HNRNPDL: variants seen among roughly 807,000 people sequenced by gnomAD.
HNRNPDL encodes heterogeneous nuclear ribonucleoprotein D like, also known as heterogeneous nuclear ribonucleoprotein D-like.
In HNRNPDL, 18 loss-of-function variants were observed where a neutral mutation model predicts 48.0. The ratio of observed to expected loss-of-function variants is 0.38; its 90% CI spans 0.26 to 0.56. The LOEUF (loss-of-function observed/expected upper bound fraction) is 0.56. HNRNPDL is among the 20% of genes least tolerant of loss of function. HNRNPDL has a pLI of 0.77. For synonymous variants in HNRNPDL, 306 were observed against 207.3 expected, an observed-to-expected ratio of 1.48 and a Z score of -4.09; for missense variants, 553 against 540.7, an observed-to-expected ratio of 1.02 and a Z score of -0.23.
rs1449509432 is a variant in HNRNPDL at position 82,424,641 on chromosome 4, CATTT to C, written c.*261_*264del. On this transcript the variant is annotated 3_prime_UTR_variant, in exon 8 of 8. Coordinates refer to ENST00000295470, the MANE Select transcript of HNRNPDL (RefSeq NM_031372.4). ...GCAGAAAAGCAATCACATAAGGAAG[CATTT>C]ATTTGAGGTTTAACATGAAATGATA... is the stretch of plus-strand genomic sequence containing the variant. The C allele has an allele frequency of 2.0e-5, 3 of 152,624 alleles. No individual in the cohort carries two copies. The highest frequency in any genetic ancestry group is 4.4e-5 in the Non-Finnish European group (3 of 68,040). 9.5% of individuals were successfully genotyped at this position (152,624 alleles called of 1,614,324 possible).
chr4:82,428,088 A>G lies in HNRNPDL; in HGVS notation c.704T>C (p.Val235Ala). The G allele has an allele frequency of 6.2e-7, 1 of 1,613,942 alleles. No individual in the cohort carries two copies. The highest frequency in any genetic ancestry group is 8.5e-7 in the Non-Finnish European group (1 of 1,179,938). ...ATCCGGGCTCAATCCACCCACAAAA[A>G]CCTTTTTGGGAGGTTCTTTCCCTTT... The part of the protein sequence containing the change: ...ALKGKEPPKK[V>A]FVGGLSPDTS... Residue 235 changes from valine to alanine, a missense_variant, in exon 3 of 8, where the codon GTT becomes GCT. Val to Ala is a moderately conservative substitution (Grantham distance 64). This residue lies in a region of HNRNPDL where 174 missense variants were observed against 204.6 expected (regional missense o/e 0.85). Coordinates refer to ENST00000295470, the MANE Select transcript of HNRNPDL (RefSeq NM_031372.4).
chr4:82,428,192 T>C lies in HNRNPDL; in HGVS notation c.613-13A>G, dbSNP rs764962973. On this transcript the variant is annotated splice_polypyrimidine_tract_variant and intron_variant, in intron 2 of 7. Transcript: ENST00000295470. The stretch of plus-strand genomic sequence containing the variant: ...TCAGTTCCAAAACCTACAAGACAGA[T>C]TTATTTAATCTGACAGCACCATATA... 2 of 1,613,016 alleles carry C rather than the reference T, an allele frequency of 1.2e-6. No homozygotes were observed. The highest frequency in any genetic ancestry group is 1.7e-6 in the Non-Finnish European group (2 of 1,179,426).
chr4:82,427,554 A>G lies in HNRNPDL; in HGVS notation c.785T>C (p.Ile262Thr), dbSNP rs757967866. The change falls in exon 4 of 8, where the codon ATT (isoleucine) becomes ACT (threonine). Residue 262 changes from isoleucine (I) to threonine (T), a missense_variant. By Grantham distance (89) the Ile-to-Thr change is moderately conservative. This residue lies in a region of HNRNPDL where 174 missense variants were observed against 204.6 expected (regional missense o/e 0.85). Transcript: ENST00000295470. ...TGTTTTTGTATCCATGGGAAGTTCA[A>G]TATTTTCAATCTGAAATCGAGATGC... ...YFGAFGEIEN[I>T]ELPMDTKTNE... 9.9e-6 allele frequency: 16 copies of G among 1,608,944 alleles called. No homozygotes were observed. The highest frequency in any genetic ancestry group is 1.8e-4 in the Middle Eastern group (1 of 5,440).
Position 82,430,425 on chromosome 4 carries a change from GCTCTCGCGCACC to G in HNRNPDL, c.-747_-736del. The G allele has an allele frequency of 5.4e-6, 1 of 186,176 alleles. No homozygotes were observed. Among genetic ancestry groups the G allele is most frequent in the South Asian group, 1.1e-4 (1 of 8,864 alleles). The allele number at this position is 186,176 out of a possible 1,614,324, so 11.5% of individuals were successfully genotyped here. On this transcript the variant is annotated 5_prime_UTR_variant, in exon 1 of 8. Coordinates refer to ENST00000295470, the MANE Select transcript of HNRNPDL (RefSeq NM_031372.4). ...CGCTCAACCTGTCTGCGGAGGGCGC[GCTCTCGCGCACC>G]CTGCTCCCGCGTTCGCTTCTTTGTT... is the stretch of plus-strand genomic sequence containing the variant.
chr4:82,423,935 G>A lies in HNRNPDL; in HGVS notation c.*971C>T, dbSNP rs1257324728. The A allele has an allele frequency of 1.3e-5, 2 of 152,206 alleles. No homozygotes were observed. The highest frequency in any genetic ancestry group is 6.5e-5 in the Admixed American group (1 of 15,278). 9.4% of individuals were successfully genotyped at this position (152,206 alleles called of 1,614,324 possible). A position where few individuals can be genotyped will look rare whatever the true frequency, so the allele number is the denominator to read the frequency against. ...TATCAAGACTTTTTCTAAACTCACA[G>A]AGCATTAACAGCTAATACAACTTCC... On this transcript the variant is annotated 3_prime_UTR_variant, in exon 8 of 8. Transcript: ENST00000295470.
chr4:82,429,411 A>G lies in HNRNPDL; in HGVS notation c.280T>C (p.Ser94Pro), dbSNP rs762023929. Residue 94 changes from serine to proline, a missense_variant, in exon 1 of 8, where the codon TCC (serine) becomes CCC (proline). By Grantham distance (74) the Ser-to-Pro change is moderately conservative. This residue lies in a region of HNRNPDL where 327 missense variants were observed against 203.2 expected (regional missense o/e 1.61). Transcript: ENST00000295470. ...GCAGCGGCGGCGGAGCGTTGTATGGAGCTGGATTTAAAATGGCGGCGGAAG... is the reference window on the plus strand; with the variant it reads ...GCAGCGGCGGCGGAGCGTTGTATGGGGCTGGATTTAAAATGGCGGCGGAAG... ...DLFRRHFKSS[S>P]IQRSAAAAAA... 39 of 1,612,602 alleles carry G rather than the reference A, an allele frequency of 2.4e-5. No individual in the cohort carries two copies. In the East Asian group the frequency reaches 4.0e-4, roughly 17 times the overall value.
At position 82,428,190 on chromosome 4, in the gene HNRNPDL, G is replaced by C; in HGVS notation, c.613-11C>G. ...TTTCAGTTCCAAAACCTACAAGACAGATTTATTTAATCTGACAGCACCATA... is the reference window on the plus strand; with the variant it reads ...TTTCAGTTCCAAAACCTACAAGACACATTTATTTAATCTGACAGCACCATA... On this transcript the variant is annotated splice_polypyrimidine_tract_variant and intron_variant, in intron 2 of 7. Transcript: ENST00000295470. The C allele has an allele frequency of 6.2e-7, 1 of 1,612,788 alleles. No individual in the cohort carries two copies.
At position 82,429,884 on chromosome 4, in the gene HNRNPDL, A is replaced by C. The variant is rs1283518389; in HGVS notation, c.-194T>G. 6.2e-5 allele frequency: 25 copies of C among 401,046 alleles called. No homozygotes were observed. The East Asian group carries it at 8.7e-4, about 14-fold the overall frequency. 24.8% of individuals were successfully genotyped at this position (401,046 alleles called of 1,614,324 possible). On this transcript the variant is annotated 5_prime_UTR_variant, in exon 1 of 8. Transcript: ENST00000295470. ...GCGTCCGGTCCAGCCCACTCCTACC[A>C]AAAAGCCGTCAACCCCGCCTTTTTC...
At chr4:82,427,002 AAC>A (rs1447246575) in intron 5 of HNRNPDL, among the ~76,000 whole-genome samples, 186 bp downstream of exon 5, 5 of 152,226 alleles carry the variant, frequency 3.3e-5, no homozygotes, top group African/African-American at 7.2e-5. Flanking sequence ...CCACACTTTT[AAC>A]AGTTTTTTGA....
At position 82,428,186 on chromosome 4, in the gene HNRNPDL, G is replaced by A. The variant is rs1420414591; in HGVS notation, c.613-7C>T. ...GTTCTTTCAGTTCCAAAACCTACAAGACAGATTTATTTAATCTGACAGCAC... is the reference window on the plus strand; with the variant it reads ...GTTCTTTCAGTTCCAAAACCTACAAAACAGATTTATTTAATCTGACAGCAC... On this transcript the variant is annotated splice_polypyrimidine_tract_variant and splice_region_variant and intron_variant, in intron 2 of 7. Coordinates refer to ENST00000295470, the MANE Select transcript of HNRNPDL (RefSeq NM_031372.4). 12 of 1,613,218 alleles carry A rather than the reference G, an allele frequency of 7.4e-6. No homozygotes were observed. The highest frequency in any genetic ancestry group is 1.0e-5 in the Non-Finnish European group (12 of 1,179,632).
chr4:82,426,692 A>T (rs189595271), intron 5 of HNRNPDL, 59 bp from the exon 6 acceptor site: 1 of 1,386,134 alleles, frequency 7.2e-7, no homozygotes, highest in Admixed American at 1.7e-5. Flanking sequence ...TCTAACATAA[A>T]ATGATGCGTT....
rs1721344325 is a variant in HNRNPDL, at chr4:82,424,690, C to CA, written c.*215dup. 6.6e-6 allele frequency: 1 copy of CA among 152,634 alleles called. No homozygotes were observed. The highest frequency in any genetic ancestry group is 2.1e-4 in the South Asian group (1 of 4,834). 9.5% of individuals were successfully genotyped at this position (152,634 alleles called of 1,614,324 possible). Reference sequence around the variant, plus strand: ...ATGATACAAATAAAATGTGTATAAACAAATCCACATTGAGTCATAACACAG... The same window carrying CA: ...ATGATACAAATAAAATGTGTATAAACAAAATCCACATTGAGTCATAACACAG... On this transcript the variant is annotated 3_prime_UTR_variant, in exon 8 of 8. Coordinates refer to ENST00000295470, the MANE Select transcript of HNRNPDL (RefSeq NM_031372.4).
Position 82,427,217 on chromosome 4 carries a change from G to GTCCACCAGCTGCAGCACCTCT in HNRNPDL, c.973_993dup (p.Ala327_Gly333dup). ...CGGCCACGACCCCTCGTACCACCTC[G>GTCCACCAGCTGCAGCACCTCT]TCCACCAGCTGCAGCACCTCTTCCA... On this transcript the variant is annotated inframe_insertion, in exon 5 of 8. Transcript: ENST00000295470. 1 of 1,613,264 alleles carries GTCCACCAGCTGCAGCACCTCT rather than the reference G, an allele frequency of 6.2e-7. No homozygotes were observed.
rs2110026117 is a variant in HNRNPDL at position 82,424,503 on chromosome 4, AT to A, written c.*402del. ...GAGAAGAGGGTGACGCTGGCTGGCT[AT>A]TTATAAAGGACCACAGTTTCTCTGT... is the stretch of plus-strand genomic sequence containing the variant. On this transcript the variant is annotated 3_prime_UTR_variant, in exon 8 of 8. Transcript: ENST00000295470. 1 of 152,798 alleles carries A rather than the reference AT, an allele frequency of 6.5e-6. No homozygotes were observed. Among genetic ancestry groups the A allele is most frequent in the Non-Finnish European group, 1.5e-5 (1 of 68,030 alleles). 9.5% of individuals were successfully genotyped at this position (152,798 alleles called of 1,614,324 possible). A position where few individuals can be genotyped will look rare whatever the true frequency, so the allele number is the denominator to read the frequency against.
intron 3 of HNRNPDL, among the ~76,000 whole-genome samples, 163 bp downstream of exon 3, chr4:82,427,855 C>T (rs1340362210): frequency 6.6e-6 from 1 of 152,192 alleles, no homozygotes; most frequent in Non-Finnish European, 1.5e-5. Flanking sequence ...GTTGGGTTTC[C>T]ATCAGAGCAG....
At chr4:82,427,878 G>A (rs2110029182) in intron 3 of HNRNPDL, 140 bp downstream of exon 3, 1 of 828,934 alleles carries the variant, frequency 1.2e-6, no homozygotes, top group Non-Finnish European at 1.9e-6. Context: ...ATGAAATCAA[G>A]GTACAGTCAC....
Position 82,428,009 on chromosome 4 carries a change from A to C in HNRNPDL, c.774+9T>G, listed in dbSNP as rs1469932567. On this transcript the variant is annotated intron_variant, in intron 3 of 7. Coordinates refer to ENST00000295470, the MANE Select transcript of HNRNPDL (RefSeq NM_031372.4). ...ATCAAGCTTAACATGTGTAAACATA[A>C]TCACACACCTCTCCAAAGGCTCCAA... is the stretch of plus-strand genomic sequence containing the variant. The C allele has an allele frequency of 2.5e-6, 4 of 1,611,430 alleles. No individual in the cohort carries two copies. The South Asian group carries it at 3.3e-5, about 13-fold the overall frequency.
In HNRNPDL at chr4:82,430,023, G is replaced by A. The variant is rs560302875; in HGVS notation, c.-333C>T. 5 of 183,672 alleles carry A rather than the reference G, an allele frequency of 2.7e-5. No homozygotes were observed. The highest frequency in any genetic ancestry group is 7.0e-5 in the African/African-American group (3 of 42,726). The allele number at this position is 183,672 out of a possible 1,614,324, so 11.4% of individuals were successfully genotyped here. A position where few individuals can be genotyped will look rare whatever the true frequency, so the allele number is the denominator to read the frequency against. ...GCGCCCGGCGCTGGCGACTGAGGCG[G>A]CGAGCGCGCTCGCCCGCCGCGCGCA... On this transcript the variant is annotated 5_prime_UTR_variant, in exon 1 of 8. Transcript: ENST00000295470.
chr4:82,427,929 GAA>G lies in HNRNPDL; in HGVS notation c.774+87_774+88del, dbSNP rs1271945878. The G allele has an allele frequency of 3.9e-6, 5 of 1,270,042 alleles. No homozygotes were observed. In the African/African-American group the frequency reaches 6.0e-5, roughly 15 times the overall value. The allele number at this position is 1,270,042 out of a possible 1,614,324, so 78.7% of individuals were successfully genotyped here. A position where few individuals can be genotyped will look rare whatever the true frequency, so the allele number is the denominator to read the frequency against. On this transcript the variant is annotated intron_variant, in intron 3 of 7. Transcript: ENST00000295470. ...CAGTCATTTAATTCTACTCTTACAGGAAACATGAATCTGCCCTGCATAAATCG... is the reference window on the plus strand; with the variant it reads ...CAGTCATTTAATTCTACTCTTACAGGACATGAATCTGCCCTGCATAAATCG...
Sources: gnomAD v4.1 joint callset for allele counts (sites outside exome capture counted in the v4.1 genomes callset) on GRCh38, gnomAD v4.1.1 for gene constraint, gnomAD v4.1.1 regional missense constraint, MANE v1.5 for transcripts, NCBI Gene and HGNC (gene_info 2026-07-23, HGNC 2026-07-21) for gene names.